SYNE2: variants seen among roughly 807,000 people sequenced by gnomAD.
The protein encoded by SYNE2 is spectrin repeat containing nuclear envelope protein 2, also known as nesprin-2.
Under a neutral mutation model 856.3 loss-of-function variants are expected in SYNE2, and 431 were observed. That is an observed-to-expected ratio of 0.50 (90% CI 0.47 to 0.55). The LOEUF (loss-of-function observed/expected upper bound fraction) is 0.55, where lower values mean the gene tolerates loss of function less well. Ranked by LOEUF, SYNE2 falls within the 20% of genes least tolerant of loss-of-function variation. SYNE2 has a pLI of 0.00. For missense variants in SYNE2, 8,129 were observed against 8,023.2 expected, an observed-to-expected ratio of 1.01 and a Z score of -0.50; for synonymous variants, 2,923 against 2,872.3, an observed-to-expected ratio of 1.02 and a Z score of -0.56.
intron 73 of SYNE2, 21 bp downstream of exon 73, chr14:64,126,828 C>G: frequency 1.2e-6 from 2 of 1,605,596 alleles, no homozygotes; most frequent in South Asian, 2.2e-5. Flanking sequence ...GAGCACACAG[C>G]CTATTTTGGC....
At chr14:64,065,400 T>A (rs1380739479) in intron 50 of SYNE2, 32 bp from the exon 51 acceptor site, 4 of 1,582,008 alleles carry the variant, frequency 2.5e-6, no homozygotes, top group East Asian at 2.2e-5. Context: ...TAATAGTATG[T>A]CCCTCTTATT....
intron 64 of SYNE2, among the ~76,000 whole-genome samples, chr14:64,105,762 A>G (rs2097766971): frequency 6.9e-6 from 1 of 145,090 alleles, no homozygotes; most frequent in Admixed American, 6.7e-5. Flanking sequence ...ACTGCCTTCT[A>G]GAAAGGTTAT....
chr14:63,809,613 C>A (rs1389080255), intron 1 of SYNE2, among the ~76,000 whole-genome samples: 1 of 152,180 alleles, frequency 6.6e-6, no homozygotes, highest in Non-Finnish European at 1.5e-5. Flanking sequence ...GATGCTCCTG[C>A]CTCATCCTCC....
intron 71 of SYNE2, 66 bp from the exon 72 acceptor site, chr14:64,126,261 G>C (rs1330246083): frequency 1.4e-6 from 2 of 1,437,400 alleles, no homozygotes; most frequent in Non-Finnish European, 2.0e-6. Context: ...TGGAAACTAG[G>C]CAAAATATAG....
chr14:63,918,618 C>T (rs1595628248), intron 2 of SYNE2, among the ~76,000 whole-genome samples: 1 of 152,068 alleles, frequency 6.6e-6, no homozygotes, highest in Admixed American at 6.6e-5. Context: ...GCATGTTGGG[C>T]GAGCATGGGA....
chr14:64,061,791 A>G (rs1363192948), intron 49 of SYNE2, among the ~76,000 whole-genome samples: 1 of 152,038 alleles, frequency 6.6e-6, no homozygotes, highest in African/African-American at 2.4e-5. Context: ...TTGCAGAGGG[A>G]GTTTTCTATT....
At position 64,098,045 on chromosome 14, in the gene SYNE2, C is replaced by G. The variant is rs1309443283; in HGVS notation, c.12205C>G (p.Gln4069Glu). The G allele has an allele frequency of 6.2e-7, 1 of 1,614,160 alleles. No individual in the cohort carries two copies. ...GAAGGCCACCGTACTAAACCTTCAC[C>G]AGCATTTGAAGCAAGAACAAGAAGG... ...DLKATVLNLH[Q>E]HLKQEQEGVE... The change falls in exon 62 of 116, where the codon CAG becomes GAG. Residue 4069 changes from glutamine (Q) to glutamate (E), a missense_variant. Gln to Glu is a conservative substitution (Grantham distance 29). Transcript: ENST00000555002.
At chr14:64,089,536 A>T in intron 58 of SYNE2, 38 bp from the exon 59 acceptor site, 1 of 1,585,478 alleles carries the variant, frequency 6.3e-7, no homozygotes, top group South Asian at 1.1e-5. Context: ...ATTAATATAC[A>T]ATATATATTG....
chr14:64,102,009 C>T lies in SYNE2; in HGVS notation c.12459C>T (p.Asp4153=), dbSNP rs143766835. 1.7e-4 allele frequency: 271 copies of T among 1,613,930 alleles called. 1 individual carries two copies. In the African/African-American group the frequency reaches 3.2e-3, roughly 19 times the overall value. The change falls in exon 64 of 116, where the codon GAC becomes GAT. Residue 4153 remains aspartate, a synonymous_variant. Coordinates refer to ENST00000555002, the MANE Select transcript of SYNE2 (RefSeq NM_182914.3). ...AGCATGACAAGGACATGGAAGAAGA[C>T]AGAGCTTCCTCATCCTCTGGAACAA... is the stretch of plus-strand genomic sequence containing the variant. The part of the protein sequence containing the change: ...LWKHDKDMEE[D]RASSSSGTIV...
intron 1 of SYNE2, among the ~76,000 whole-genome samples, chr14:63,829,193 G>A (rs970890007): frequency 3.9e-5 from 6 of 152,004 alleles, no homozygotes; most frequent in Non-Finnish European, 5.9e-5. Flanking sequence ...TGGGAGGATC[G>A]TTTGAGGCCA....
At chr14:64,194,994 A>G (rs2098534625) in intron 99 of SYNE2, among the ~76,000 whole-genome samples, 1 of 152,156 alleles carries the variant, frequency 6.6e-6, no homozygotes. Context: ...TTAATGAGAG[A>G]ACTCTGCTTG....
chr14:63,906,583 C>G (rs2095412654), intron 1 of SYNE2, among the ~76,000 whole-genome samples: 1 of 152,128 alleles, frequency 6.6e-6, no homozygotes, highest in Non-Finnish European at 1.5e-5. Context: ...TCTAGATTTT[C>G]TAAGTTGTGT....
At chr14:64,195,641 G>A (rs1231695806) in intron 99 of SYNE2, among the ~76,000 whole-genome samples, 1 of 152,212 alleles carries the variant, frequency 6.6e-6, no homozygotes, top group Non-Finnish European at 1.5e-5. Context: ...CAGAAGTTAC[G>A]ACCGTGGCAG....
intron 73 of SYNE2, among the ~76,000 whole-genome samples, chr14:64,127,914 A>T (rs2097964928): frequency 6.6e-6 from 1 of 152,196 alleles, no homozygotes; most frequent in Admixed American, 6.5e-5. Flanking sequence ...TTTCACATAC[A>T]CACATTCAAG....
intron 16 of SYNE2, among the ~76,000 whole-genome samples, 165 bp downstream of exon 16, chr14:63,981,338 C>T (rs2096584163): frequency 6.6e-6 from 1 of 151,442 alleles, no homozygotes; most frequent in South Asian, 2.1e-4. Flanking sequence ...ATATAATTGC[C>T]AAGAGGTAGT....
In SYNE2 at chr14:63,949,811, T is replaced by C; in HGVS notation, c.409-14T>C. The C allele has an allele frequency of 6.2e-7, 1 of 1,614,140 alleles. No homozygotes were observed. Among genetic ancestry groups the C allele is most frequent in the South Asian group, 1.1e-5 (1 of 91,078 alleles). On this transcript the variant is annotated splice_polypyrimidine_tract_variant and intron_variant, in intron 6 of 115. Transcript: ENST00000555002. ...ATGCTTTTATAAACGTTAAGTCTAC[T>C]TTGCCTTCCTTAGATTGAGAAGCTT...
At chr14:64,090,465 C>T (rs2097601332) in intron 59 of SYNE2, among the ~76,000 whole-genome samples, 1 of 152,190 alleles carries the variant, frequency 6.6e-6, no homozygotes, top group Non-Finnish European at 1.5e-5. Context: ...CTGTTCAAGT[C>T]AGTAAGCACT....
intron 6 of SYNE2, among the ~76,000 whole-genome samples, chr14:63,944,216 A>G (rs1003005075): frequency 4.0e-5 from 6 of 150,364 alleles, no homozygotes; most frequent in African/African-American, 1.5e-4. Flanking sequence ...TATTTTAACA[A>G]AATGGGGGTC....
At chr14:63,904,729 A>T (rs187716088) in intron 1 of SYNE2, among the ~76,000 whole-genome samples, 1 of 152,160 alleles carries the variant, frequency 6.6e-6, no homozygotes, top group East Asian at 1.9e-4. Flanking sequence ...TTGTCAGTGC[A>T]TAGTTTGCAA....
Sources: allele counts gnomAD v4.1 joint callset (sites outside exome capture counted in the v4.1 genomes callset), GRCh38; gene constraint gnomAD v4.1.1; transcripts MANE v1.5; gene names NCBI Gene and HGNC (gene_info 2026-07-23, HGNC 2026-07-21).